NELL1: variants seen among roughly 807,000 people sequenced by gnomAD.
NELL1 encodes the protein protein kinase C-binding protein NELL1.
NELL1 carries 76 observed loss-of-function variants against 107.4 expected under a neutral mutation model. The observed-to-expected ratio is 0.71, with a 90% confidence interval of 0.59 to 0.86. NELL1 has a LOEUF of 0.86. Ranked by LOEUF, NELL1 falls within the 40% of genes least tolerant of loss-of-function variation. The pLI is 0.00. For synonymous variants in NELL1, 353 were observed against 341.2 expected, an observed-to-expected ratio of 1.03 and a Z score of -0.38; for missense variants, 1,024 against 1,005.5, an observed-to-expected ratio of 1.02 and a Z score of -0.25.
chr11:21,264,034 C>T (rs1848587414), intron 14 of NELL1, among the ~76,000 whole-genome samples: 2 of 147,592 alleles, frequency 1.4e-5, no homozygotes, highest in African/African-American at 2.5e-5. Flanking sequence ...TGCCTAATTA[C>T]CAGCTTCTCT....
chr11:21,108,021 C>A (rs1362263572), intron 12 of NELL1, among the ~76,000 whole-genome samples: 1 of 152,056 alleles, frequency 6.6e-6, no homozygotes, highest in Non-Finnish European at 1.5e-5. Context: ...GATGTCAATC[C>A]CTGGGATGGT....
intron 14 of NELL1, among the ~76,000 whole-genome samples, chr11:21,254,701 T>G (rs963697557): frequency 3.3e-5 from 5 of 152,074 alleles, no homozygotes; most frequent in African/African-American, 1.2e-4. Flanking sequence ...TGGTGAACAT[T>G]GATGAAAAGA....
At chr11:20,677,418 T>C (rs907857385) in intron 1 of NELL1, among the ~76,000 whole-genome samples, 20 of 152,300 alleles carry the variant, frequency 1.3e-4, no homozygotes, top group South Asian at 6.2e-4. Flanking sequence ...GGAAACCCAG[T>C]TTCTTCATAA....
At chr11:21,300,029 GT>G (rs1565155598) in intron 14 of NELL1, among the ~76,000 whole-genome samples, 2 of 151,906 alleles carry the variant, frequency 1.3e-5, no homozygotes, top group African/African-American at 4.8e-5. Flanking sequence ...CAATGATCAC[GT>G]AAACACACAA....
chr11:20,911,037 CTT>C (rs776817301), intron 5 of NELL1, among the ~76,000 whole-genome samples: 1 of 152,170 alleles, frequency 6.6e-6, no homozygotes, highest in Non-Finnish European at 1.5e-5. Context: ...CTCTTCCTGT[CTT>C]TTAGGAATTT....
intron 2 of NELL1, among the ~76,000 whole-genome samples, chr11:20,739,701 T>G (rs887227844): frequency 6.6e-6 from 1 of 152,200 alleles, no homozygotes; most frequent in Non-Finnish European, 1.5e-5. Flanking sequence ...AATGGACATG[T>G]TCCCGCACTG....
intron 2 of NELL1, among the ~76,000 whole-genome samples, chr11:20,777,080 T>G (rs1856765308): frequency 6.6e-6 from 1 of 152,188 alleles, no homozygotes; most frequent in Non-Finnish European, 1.5e-5. Flanking sequence ...TATCAAGCAC[T>G]GAGATCACAC....
intron 12 of NELL1, among the ~76,000 whole-genome samples, chr11:20,992,084 T>G (rs1014082584): frequency 2.6e-5 from 4 of 152,078 alleles, no homozygotes; most frequent in Admixed American, 6.5e-5. Context: ...GGTTATTAAT[T>G]CAGAGATACA....
chr11:21,138,867 C>T (rs1855801426), intron 13 of NELL1, among the ~76,000 whole-genome samples: 1 of 152,086 alleles, frequency 6.6e-6, no homozygotes, highest in African/African-American at 2.4e-5. Context: ...TGTTTGTCTG[C>T]TCTTGTGCCA....
intron 14 of NELL1, among the ~76,000 whole-genome samples, chr11:21,278,654 G>C (rs1047253451): frequency 1.3e-5 from 2 of 152,074 alleles, no homozygotes; most frequent in African/African-American, 4.8e-5. Context: ...TAAATAGAGA[G>C]ATAATCCATG....
At chr11:20,776,876 G>A (rs750639815) in intron 2 of NELL1, among the ~76,000 whole-genome samples, 7 of 152,170 alleles carry the variant, frequency 4.6e-5, no homozygotes, top group East Asian at 3.8e-4. Flanking sequence ...GTCTCCACTC[G>A]TCATGTGACC....
chr11:21,268,403 A>G (rs957560964), intron 14 of NELL1, among the ~76,000 whole-genome samples: 4 of 152,114 alleles, frequency 2.6e-5, no homozygotes, highest in African/African-American at 9.7e-5. Flanking sequence ...ACCTGCCTTT[A>G]AGAGGAACTA....
At chr11:21,361,687 C>A (rs1851079824) in intron 14 of NELL1, among the ~76,000 whole-genome samples, 1 of 152,008 alleles carries the variant, frequency 6.6e-6, no homozygotes, top group African/African-American at 2.4e-5. Context: ...TGTTTTTATT[C>A]TTTTTTCTTT....
chr11:21,458,747 T>C (rs1853816421), intron 15 of NELL1, among the ~76,000 whole-genome samples: 1 of 152,134 alleles, frequency 6.6e-6, no homozygotes, highest in Non-Finnish European at 1.5e-5. Flanking sequence ...GGGTTCTAGA[T>C]AACTACAGTG....
chr11:21,327,951 G>C (rs1349171278), intron 14 of NELL1, among the ~76,000 whole-genome samples: 1 of 152,148 alleles, frequency 6.6e-6, no homozygotes, highest in Non-Finnish European at 1.5e-5. Context: ...AAGCAGGAAA[G>C]TGTTCAAGAG....
chr11:20,957,393 C>T (rs552168246), intron 11 of NELL1, among the ~76,000 whole-genome samples: 1 of 152,152 alleles, frequency 6.6e-6, no homozygotes, highest in Admixed American at 6.5e-5. Context: ...TGATAGTTCC[C>T]TCAGACCCCT....
intron 14 of NELL1, among the ~76,000 whole-genome samples, chr11:21,336,690 C>CACACACA (rs1453855374): frequency 6.7e-6 from 1 of 149,440 alleles, no homozygotes; most frequent in African/African-American, 2.5e-5. Flanking sequence ...CACACACACA[C>CACACACA]ATTAAACAGA....
chr11:21,060,406 G>T (rs1853711437), intron 12 of NELL1, among the ~76,000 whole-genome samples: 1 of 152,118 alleles, frequency 6.6e-6, no homozygotes, highest in Admixed American at 6.5e-5. Flanking sequence ...AATAAGTTCA[G>T]TCATTTGCTT....
intron 12 of NELL1, among the ~76,000 whole-genome samples, chr11:21,030,590 C>A (rs535256971): frequency 9.4e-4 from 123 of 130,162 alleles, no homozygotes; most frequent in African/African-American, 3.3e-3. Context: ...TTATTTTCAT[C>A]TTTGATTTAT....
Sources: gnomAD v4.1 joint callset for allele counts (sites outside exome capture counted in the v4.1 genomes callset) on GRCh38, gnomAD v4.1.1 for gene constraint, MANE v1.5 for transcripts, NCBI Gene and HGNC (gene_info 2026-07-23, HGNC 2026-07-21) for gene names.